Variants in CAMK1 observed in about 807,000 individuals in gnomAD.
CAMK1 encodes calcium/calmodulin-dependent protein kinase type 1.
CAMK1 carries 39 observed loss-of-function variants against 49.1 expected under a neutral mutation model. That is an observed-to-expected ratio of 0.79 (90% CI 0.62 to 1.04). The LOEUF (loss-of-function observed/expected upper bound fraction) is 1.04. Among genes scored for constraint, CAMK1 ranks in the 50% least tolerant of loss-of-function variants. The pLI is 0.00. For synonymous variants in CAMK1, 192 were observed against 185.2 expected (o/e 1.04, Z -0.30); for missense variants, 457 against 472.2 (o/e 0.97, Z 0.30).
chr3:9,763,491 G>A (rs538464838), intron 3 of CAMK1, among the ~76,000 whole-genome samples: 1 of 151,934 alleles, frequency 6.6e-6, no homozygotes, highest in East Asian at 1.9e-4. Context: ...ACCTGGGTAG[G>A]ACAAACCAAG....
At chr3:9,760,527 C>T in intron 8 of CAMK1, 129 bp downstream of exon 8, 1 of 892,546 alleles carries the variant, frequency 1.1e-6, no homozygotes, top group Non-Finnish European at 1.8e-6. Flanking sequence ...GGTGTCTGGT[C>T]TCGAAGACAG....
rs56033923 is a variant in CAMK1, at chr3:9,757,571, C to T, written c.1081G>A (p.Glu361Lys). 568 of 1,614,106 alleles carry T rather than the reference C, an allele frequency of 3.5e-4. 4 individuals carry two copies. The East Asian group carries it at 0.012, about 33-fold the overall frequency. ...CRDCCVEPGT[E>K]LSPTLPHQL ...TGGTGGGGCAGTGTGGGGGACAGTTCTGTGCCCGGCTCCACGCAGCAGTCT... is the reference window on the plus strand; with the variant it reads ...TGGTGGGGCAGTGTGGGGGACAGTTTTGTGCCCGGCTCCACGCAGCAGTCT... Residue 361 changes from glutamate to lysine, a missense_variant, in exon 12 of 12, where the codon GAA becomes AAA. By Grantham distance (56) the Glu-to-Lys change is moderately conservative. Coordinates refer to ENST00000256460, the MANE Select transcript of CAMK1 (RefSeq NM_003656.5). The surrounding 1 kb of genome is among the most constrained non-coding windows in gnomAD (Gnocchi z 4.5).
chr3:9,767,987 ATTCT>A (rs1322744505), intron 1 of CAMK1, among the ~76,000 whole-genome samples: 4 of 152,204 alleles, frequency 2.6e-5, no homozygotes, highest in Non-Finnish European at 4.4e-5. Context: ...TGGCAGCAAA[ATTCT>A]TTATTTAACA....
chr3:9,765,761 G>C lies in CAMK1; in HGVS notation c.213C>G (p.His71Gln). 1 of 1,613,964 alleles carries C rather than the reference G, an allele frequency of 6.2e-7. No individual in the cohort carries two copies. Among genetic ancestry groups the C allele is most frequent in the Non-Finnish European group, 8.5e-7 (1 of 1,179,954 alleles). ...GSMENEIAVLHKIKHPNIVAL... is the reference protein window; with the variant it reads ...GSMENEIAVLQKIKHPNIVAL... ...GGGAAAGGCTGTGGCCCACGCACTT[G>C]TGCAGGACAGCAATCTCATTCTCCA... Residue 71 changes from histidine (H) to glutamine (Q), a missense_variant and splice_region_variant, in exon 3 of 12, where the codon CAC becomes CAG. Transcript: ENST00000256460.
At chr3:9,759,309 GAGA>G in intron 10 of CAMK1, 176 bp downstream of exon 10, 3 of 1,594,156 alleles carry the variant, frequency 1.9e-6, no homozygotes, top group Non-Finnish European at 2.6e-6. Context: ...CTCTGGAATA[GAGA>G]AGGTGTTGGG....
intron 2 of CAMK1, 54 bp from the exon 3 acceptor site, chr3:9,765,944 A>G (rs1299594580): frequency 6.2e-7 from 1 of 1,613,972 alleles, no homozygotes; most frequent in Non-Finnish European, 8.5e-7. Flanking sequence ...GCTTCCCTCC[A>G]GCCTCTCCTC....
At position 9,765,665 on chromosome 3, in the gene CAMK1, G is replaced by GAGTT; in HGVS notation, c.215+90_215+93dup. The GAGTT allele has an allele frequency of 2.8e-6, 4 of 1,407,156 alleles. No homozygotes were observed. The South Asian group carries it at 5.0e-5, about 18-fold the overall frequency. 87.2% of individuals were successfully genotyped at this position (1,407,156 alleles called of 1,614,324 possible). On this transcript the variant is annotated intron_variant, in intron 3 of 11. Coordinates refer to ENST00000256460, the MANE Select transcript of CAMK1 (RefSeq NM_003656.5). The stretch of plus-strand genomic sequence containing the variant: ...ATAAAGGGGCAATTTAAGGCTTAGA[G>GAGTT]AGTTTAAATGATTTGTCCAAAGCAG...
At chr3:9,759,793 C>A (rs548164128) in intron 8 of CAMK1, 43 bp from the exon 9 acceptor site, 1 of 1,614,076 alleles carries the variant, frequency 6.2e-7, no homozygotes, top group Non-Finnish European at 8.5e-7. Flanking sequence ...CAGCATGGTA[C>A]TGCCTGTGTA....
At chr3:9,758,852 A>G (rs2077711746) in intron 10 of CAMK1, 2 of 331,404 alleles carry the variant, frequency 6.0e-6, no homozygotes, top group Admixed American at 8.6e-5. Flanking sequence ...ATGGTCTTGA[A>G]CTCCTGACCT....
At chr3:9,762,534 G>A (rs62245634) in intron 5 of CAMK1, among the ~76,000 whole-genome samples, 3 of 152,054 alleles carry the variant, frequency 2.0e-5, no homozygotes, top group South Asian at 2.1e-4. Context: ...CTGCCACCAC[G>A]CCGGGCTAAT....
intron 1 of CAMK1, 27 bp from the exon 2 acceptor site, chr3:9,767,808 T>A: frequency 6.2e-7 from 1 of 1,605,290 alleles, no homozygotes; most frequent in Non-Finnish European, 8.5e-7. Context: ...AGGAGGAGAC[T>A]CAGCAGAGCC....
chr3:9,759,956 CAT>C lies in CAMK1; in HGVS notation c.746-208_746-207del, dbSNP rs927614459. 40 of 686,626 alleles carry C rather than the reference CAT, an allele frequency of 5.8e-5. No homozygotes were observed. In the African/African-American group the frequency reaches 6.9e-4, roughly 12 times the overall value. 42.5% of individuals were successfully genotyped at this position (686,626 alleles called of 1,614,324 possible). On this transcript the variant is annotated intron_variant, in intron 8 of 11. Transcript: ENST00000256460. ...TCTTTCCTTTCTCTCTTAAGAAAAA[CAT>C]ATGGCCGGGCACAGTGGCTCATGTC...
Position 9,762,920 on chromosome 3 carries a change from A to G in CAMK1, c.423T>C (p.Asp141=). 1.9e-6 allele frequency: 3 copies of G among 1,614,050 alleles called. No individual in the cohort carries two copies. Among genetic ancestry groups the G allele is most frequent in the Non-Finnish European group, 2.5e-6 (3 of 1,180,016 alleles). ...ACACCCCCTTGAGCCCCACCTTGAG[A>G]TCCCGGTGTACAATGCCCAGGTCAT... ...YLHDLGIVHR[D]LKPENLLYYS... The change falls in exon 5 of 12, where the codon GAT becomes GAC. Residue 141 remains aspartate, a synonymous_variant. Transcript: ENST00000256460.
rs757121601 is a variant in CAMK1, at chr3:9,761,746, C to G, written c.441G>C (p.Leu147=). 6.2e-7 allele frequency: 1 copy of G among 1,614,048 alleles called. No individual in the cohort carries two copies. ...AGTCTTCATCCAGGCTGTAGTACAG[C>G]AGATTCTCTGGCTTGAAGGGCAGGA... ...IVHRDLKPEN[L]LYYSLDEDSK... is the part of the protein sequence containing the mutation. Residue 147 remains leucine (L), a synonymous_variant, in exon 6 of 12, where the codon CTG becomes CTC. Coordinates refer to ENST00000256460, the MANE Select transcript of CAMK1 (RefSeq NM_003656.5).
At chr3:9,761,329 G>A (rs1415340835) in intron 7 of CAMK1, 132 bp downstream of exon 7, 2 of 861,930 alleles carry the variant, frequency 2.3e-6, no homozygotes, top group East Asian at 2.6e-5. Context: ...AGTAATACTG[G>A]TAATTGATTG....
chr3:9,759,251 C>A, intron 10 of CAMK1: 1 of 1,614,122 alleles, frequency 6.2e-7, no homozygotes, highest in Non-Finnish European at 8.5e-7. Flanking sequence ...CAGATGCCTC[C>A]TGAAGAATTA....
chr3:9,758,503 A>G (rs6770581), intron 10 of CAMK1: 5,580 of 155,206 alleles, frequency 0.036, 355 homozygotes, highest in African/African-American at 0.13. Context: ...TGGATCAACC[A>G]CTGTTCTCTG....
intron 7 of CAMK1, 32 bp from the exon 8 acceptor site, chr3:9,760,800 CT>C (rs768198811): frequency 1.6e-5 from 26 of 1,612,962 alleles, no homozygotes; most frequent in Non-Finnish European, 2.0e-5. Flanking sequence ...CTCATTTCCA[CT>C]TTCGGGTGCC....
chr3:9,767,812 C>A, intron 1 of CAMK1, 31 bp from the exon 2 acceptor site: 1 of 1,602,798 alleles, frequency 6.2e-7, no homozygotes, highest in Non-Finnish European at 8.5e-7. Flanking sequence ...GGAGACTCAG[C>A]AGAGCCCAGC....
Sources: allele counts gnomAD v4.1 joint callset (sites outside exome capture counted in the v4.1 genomes callset), GRCh38; gene constraint gnomAD v4.1.1; non-coding constraint Gnocchi (gnomAD v3.1); transcripts MANE v1.5; gene names NCBI Gene and HGNC (gene_info 2026-07-23, HGNC 2026-07-21).